Variants in LRRTM4 observed in about 807,000 individuals in gnomAD.
LRRTM4 encodes leucine-rich repeat transmembrane neuronal protein 4.
A neutral mutation model predicts 47.6 loss-of-function variants in LRRTM4; 25 were observed. The observed-to-expected ratio is 0.53, with a 90% CI of 0.38 to 0.73. The LOEUF (loss-of-function observed/expected upper bound fraction) is 0.73. Among genes scored for constraint, LRRTM4 ranks in the 30% least tolerant of loss-of-function variants. LRRTM4 has a pLI of 0.00. For synonymous variants in LRRTM4, 311 were observed against 269.5 expected, an observed-to-expected ratio of 1.15 and a Z score of -1.51; for missense variants, 638 against 713.4, an observed-to-expected ratio of 0.89 and a Z score of 1.20.
intron 3 of LRRTM4, among the ~76,000 whole-genome samples, chr2:77,228,498 C>T (rs994623290): frequency 2.6e-5 from 4 of 152,138 alleles, no homozygotes; most frequent in Non-Finnish European, 5.9e-5. Context: ...ATTCAGCCTT[C>T]TTGATCATGC....
At chr2:77,515,237 A>G (rs1679162898) in intron 3 of LRRTM4, among the ~76,000 whole-genome samples, 2 of 151,926 alleles carry the variant, frequency 1.3e-5, no homozygotes, top group African/African-American at 4.8e-5. Context: ...TGCCCAAATT[A>G]TTAAAATATT....
chr2:76,862,634 T>C (rs947420560), intron 3 of LRRTM4, among the ~76,000 whole-genome samples: 4 of 152,108 alleles, frequency 2.6e-5, no homozygotes, highest in African/African-American at 9.7e-5. Flanking sequence ...CACACACGCG[T>C]GCGCGCGCAC....
intron 3 of LRRTM4, among the ~76,000 whole-genome samples, chr2:76,866,251 A>G (rs1296032170): frequency 2.6e-5 from 4 of 152,180 alleles, no homozygotes; most frequent in Admixed American, 2.6e-4. Flanking sequence ...AAACCTATCT[A>G]TATGCACTTT....
At chr2:77,515,552 T>C (rs1679174182) in intron 3 of LRRTM4, among the ~76,000 whole-genome samples, 1 of 151,822 alleles carries the variant, frequency 6.6e-6, no homozygotes, top group Non-Finnish European at 1.5e-5. Flanking sequence ...TGCTAAGTTT[T>C]CCAATTAAAT....
rs1477821394 is a variant in LRRTM4, at chr2:76,750,138, G to T, written c.1552-1222C>A. 2.0e-5 allele frequency among the ~76,000 whole-genome samples: 3 copies of T among 152,304 alleles called. No homozygotes were observed. In the East Asian group the frequency reaches 5.8e-4, roughly 29 times the overall value. ...CCTGTTTTGTTTCTTCCTCCTCCAGGAATTTATCCTAATGGCATGTCTTCA... is the reference window on the plus strand; with the variant it reads ...CCTGTTTTGTTTCTTCCTCCTCCAGTAATTTATCCTAATGGCATGTCTTCA... On this transcript the variant is annotated intron_variant, in intron 3 of 3. Transcript: ENST00000409884.
chr2:77,062,827 C>A (rs1679830837), intron 3 of LRRTM4, among the ~76,000 whole-genome samples: 1 of 152,148 alleles, frequency 6.6e-6, no homozygotes, highest in Non-Finnish European at 1.5e-5. Flanking sequence ...CAATATTCTG[C>A]AGTACAGATG....
intron 3 of LRRTM4, among the ~76,000 whole-genome samples, chr2:77,271,503 C>T (rs963024589): frequency 2.0e-5 from 3 of 152,170 alleles, no homozygotes; most frequent in Admixed American, 6.5e-5. Context: ...CGTGCTCCCT[C>T]CCAAAAGAGG....
intron 3 of LRRTM4, among the ~76,000 whole-genome samples, chr2:76,903,887 T>G (rs1269826064): frequency 6.6e-6 from 1 of 152,214 alleles, no homozygotes; most frequent in Non-Finnish European, 1.5e-5. Context: ...ATGGGAACCC[T>G]TGATGGACAG....
chr2:77,436,405 TTAAA>T (rs901965075), intron 3 of LRRTM4, among the ~76,000 whole-genome samples: 103 of 152,078 alleles, frequency 6.8e-4, no homozygotes, highest in African/African-American at 2.3e-3. Flanking sequence ...ACAAGTTAAA[TTAAA>T]TTAATTATAT....
intron 3 of LRRTM4, among the ~76,000 whole-genome samples, chr2:77,182,257 T>A (rs1673368406): frequency 6.6e-6 from 1 of 152,118 alleles, no homozygotes; most frequent in African/African-American, 2.4e-5. Context: ...AGGAATGAGA[T>A]CGTGTCCTTT....
intron 3 of LRRTM4, among the ~76,000 whole-genome samples, chr2:76,806,886 A>C (rs151195054): frequency 1.3e-5 from 2 of 152,300 alleles, no homozygotes; most frequent in African/African-American, 4.8e-5. Flanking sequence ...AAAGAACCTG[A>C]AAATGAATTT....
intron 3 of LRRTM4, among the ~76,000 whole-genome samples, chr2:76,982,491 TAATTCTTTGC>T (rs1676646472): frequency 6.6e-6 from 1 of 152,096 alleles, no homozygotes; most frequent in Non-Finnish European, 1.5e-5. Context: ...TAAATTTTCA[TAATTCTTTGC>T]AATTTTTTTG....
intron 3 of LRRTM4, among the ~76,000 whole-genome samples, chr2:77,118,223 G>T (rs900686060): frequency 1.3e-5 from 2 of 151,320 alleles, no homozygotes; most frequent in Admixed American, 6.6e-5. Context: ...ATGCCACGTT[G>T]TTTGGGAAAA....
intron 3 of LRRTM4, among the ~76,000 whole-genome samples, chr2:76,770,509 G>A (rs1430648179): frequency 6.6e-6 from 1 of 152,142 alleles, no homozygotes; most frequent in Non-Finnish European, 1.5e-5. Context: ...CTGCAACACA[G>A]TTGATATCAA....
At chr2:77,253,113 C>T (rs1369940197) in intron 3 of LRRTM4, among the ~76,000 whole-genome samples, 1 of 152,120 alleles carries the variant, frequency 6.6e-6, no homozygotes, top group African/African-American at 2.4e-5. Flanking sequence ...TTCTCTGTCT[C>T]TTGCATTATT....
At chr2:77,175,951 G>A (rs1290207526) in intron 3 of LRRTM4, among the ~76,000 whole-genome samples, 2 of 149,956 alleles carry the variant, frequency 1.3e-5, no homozygotes, top group East Asian at 2.0e-4. Context: ...GAGCCACTGC[G>A]CCCGCTACTC....
intron 3 of LRRTM4, among the ~76,000 whole-genome samples, chr2:77,451,609 T>C (rs1351399252): frequency 6.6e-6 from 1 of 152,218 alleles, no homozygotes; most frequent in Non-Finnish European, 1.5e-5. Context: ...TTCTCTTAAA[T>C]TCTAGGTGCT....
chr2:76,971,676 A>C (rs769779179), intron 3 of LRRTM4, among the ~76,000 whole-genome samples: 34 of 152,118 alleles, frequency 2.2e-4, no homozygotes, highest in Non-Finnish European at 4.3e-4. Context: ...GGAATTGAGA[A>C]CTTAAGAGTC....
In LRRTM4 at chr2:77,465,887, A is replaced by G. The variant is rs1461846285; in HGVS notation, c.1551+52431T>C. ...TTCACTGATTAGATTCCTATTACAGAAAAATACATACAGGGAGCTGGCACC... is the reference window on the plus strand; with the variant it reads ...TTCACTGATTAGATTCCTATTACAGGAAAATACATACAGGGAGCTGGCACC... On this transcript the variant is annotated intron_variant, in intron 3 of 3. Coordinates refer to ENST00000409884, the MANE Select transcript of LRRTM4 (RefSeq NM_001134745.3). Among the ~76,000 whole-genome samples the G allele has an allele frequency of 7.9e-3, 1,203 of 152,270 alleles. 5 individuals carry two copies. Among genetic ancestry groups the G allele is most frequent in the Non-Finnish European group, 0.012 (787 of 68,016 alleles).
Sources: allele counts gnomAD v4.1 joint callset (sites outside exome capture counted in the v4.1 genomes callset), GRCh38; gene constraint gnomAD v4.1.1; transcripts MANE v1.5; gene names NCBI Gene and HGNC (gene_info 2026-07-23, HGNC 2026-07-21).